Variants in MATR3 observed in about 807,000 individuals in gnomAD.
The protein encoded by MATR3 is matrin 3.
A neutral mutation model predicts 85.5 loss-of-function variants in MATR3; 4 were observed. The observed-to-expected ratio is 0.05, with a 90% CI of 0.02 to 0.11. The LOEUF is 0.11. Among genes scored for constraint, MATR3 ranks in the 10% least tolerant of loss-of-function variants. The pLI is 1.00. For synonymous variants in MATR3, 336 were observed against 343.1 expected, an observed-to-expected ratio of 0.98 and a Z score of 0.23; for missense variants, 685 against 1,016.1, an observed-to-expected ratio of 0.67 and a Z score of 4.43.
chr5:139,300,614 A>G (rs1754389377), intron 1 of MATR3, among the ~76,000 whole-genome samples: 1 of 152,194 alleles, frequency 6.6e-6, no homozygotes, highest in Admixed American at 6.5e-5. Context: ...GATGATTACT[A>G]CGGTGCTGTG....
intron 3 of MATR3, among the ~76,000 whole-genome samples, chr5:139,286,056 G>A (rs1477407009): frequency 6.6e-6 from 1 of 152,080 alleles, no homozygotes; most frequent in Non-Finnish European, 1.5e-5. Context: ...ATCTTGACCA[G>A]GACACATTAT....
upstream of MATR3, among the ~76,000 whole-genome samples, chr5:139,292,992 C>T: frequency 1.3e-5 from 2 of 152,062 alleles, 1 homozygote; most frequent in Non-Finnish European, 2.9e-5. Flanking sequence ...TGTAGGCTCA[C>T]GCCCTTAATC....
At chr5:139,302,629 A>G (rs370861044) in intron 1 of MATR3, among the ~76,000 whole-genome samples, 1 of 152,354 alleles carries the variant, frequency 6.6e-6, no homozygotes, top group Middle Eastern at 3.4e-3. Context: ...GCAGGAATCA[A>G]TATTTTTGTG....
upstream of MATR3, chr5:139,291,828 C>G (rs891812068): frequency 1.3e-5 from 2 of 152,136 alleles, no homozygotes; most frequent in Non-Finnish European, 2.9e-5. Context: ...CATGAGTCAC[C>G]GCGCCTGGCC....
At position 139,321,893 on chromosome 5, in the gene MATR3, T is replaced by C; in HGVS notation, c.1603-5T>C. 6.2e-7 allele frequency: 1 copy of C among 1,610,112 alleles called. No individual in the cohort carries two copies. Among genetic ancestry groups the C allele is most frequent in the Non-Finnish European group, 8.5e-7 (1 of 1,177,940 alleles). On this transcript the variant is annotated splice_region_variant and splice_polypyrimidine_tract_variant and intron_variant, in intron 9 of 14. Coordinates refer to ENST00000394805, the MANE Select transcript of MATR3 (RefSeq NM_018834.6). ...GCTTTGTGGTTTCTTTTCTTTCTTT[T>C]TAAGGCTTTTATTGAGATGGAGACA...
chr5:139,323,619 C>T (rs190821589), intron 12 of MATR3, among the ~76,000 whole-genome samples: 84 of 152,246 alleles, frequency 5.5e-4, no homozygotes, highest in Admixed American at 4.8e-3. Context: ...CATAAAATGT[C>T]GGAGTCAGGC....
intron 1 of MATR3, chr5:139,295,144 T>G (rs1305840364): frequency 6.6e-6 from 1 of 152,234 alleles, no homozygotes; most frequent in African/African-American, 2.4e-5. Flanking sequence ...TCAGGCTATT[T>G]TAATAAATGT....
chr5:139,290,503 T>C (rs1457270796), upstream of MATR3, among the ~76,000 whole-genome samples: 2 of 131,682 alleles, frequency 1.5e-5, no homozygotes, highest in Non-Finnish European at 3.1e-5. Context: ...TGGAGTGCAG[T>C]GCCACCCCCT....
In MATR3 at chr5:139,330,701, A is replaced by G. The variant is rs1756097772; in HGVS notation, c.*1306A>G. 4 of 454,004 alleles carry G rather than the reference A, an allele frequency of 8.8e-6. No homozygotes were observed. The highest frequency in any genetic ancestry group is 1.3e-5 in the Non-Finnish European group (3 of 226,786). 28.1% of individuals were successfully genotyped at this position (454,004 alleles called of 1,614,324 possible). On this transcript the variant is annotated 3_prime_UTR_variant, in exon 15 of 15. Transcript: ENST00000394805. ...TTAGAGATATTGATGACTTAACAGT[A>G]CAATTGGAAGTAATACGGATGAGCA...
At chr5:139,312,610 A>G (rs536758868) in intron 2 of MATR3, 4 of 152,186 alleles carry the variant, frequency 2.6e-5, no homozygotes, top group Non-Finnish European at 5.9e-5. Flanking sequence ...GGAAGGTACC[A>G]TTCTATTTGG....
Position 139,308,074 on chromosome 5 carries a change from A to C in MATR3, c.659A>C (p.Glu220Ala), listed in dbSNP as rs1333566052. The change falls in exon 2 of 15, where the codon GAA (glutamate) becomes GCA (alanine). Residue 220 changes from glutamate to alanine, a missense_variant. Around this residue, in one of 9 missense-constraint regions of MATR3, gnomAD observed 223 missense variants for 334.4 expected, o/e 0.67. Coordinates refer to ENST00000394805, the MANE Select transcript of MATR3 (RefSeq NM_018834.6). ...GGTTATTATGACAGAATGGATTATG[A>C]AGATGACAGATTAAGAGATGGAGAA... Reference protein sequence around the residue: ...ESGYYDRMDYEDDRLRDGERC... With the variant: ...ESGYYDRMDYADDRLRDGERC... The C allele has an allele frequency of 1.2e-6, 2 of 1,614,176 alleles. No individual in the cohort carries two copies. The highest frequency in any genetic ancestry group is 8.5e-7 in the Non-Finnish European group (1 of 1,180,026).
intron 1 of MATR3, among the ~76,000 whole-genome samples, chr5:139,299,396 G>A (rs1188925356): frequency 6.6e-6 from 1 of 152,222 alleles, no homozygotes; most frequent in Admixed American, 6.5e-5. Flanking sequence ...ATGTGAGGCA[G>A]GGCACAGTGG....
chr5:139,293,669 A>C, upstream of MATR3: 1 of 261,398 alleles, frequency 3.8e-6, no homozygotes, highest in Non-Finnish European at 7.2e-6. Context: ...CTCTCTCGCG[A>C]GAGTGGGTTT....
chr5:139,324,481 A>C (rs774333050), intron 12 of MATR3, among the ~76,000 whole-genome samples: 4 of 151,926 alleles, frequency 2.6e-5, no homozygotes, highest in African/African-American at 4.8e-5. Context: ...AGTAGAAACG[A>C]GGTTTCGCCA....
chr5:139,312,398 C>CT (rs1222002483), intron 2 of MATR3: 3 of 152,076 alleles, frequency 2.0e-5, no homozygotes. Context: ...GCACCCGGCC[C>CT]TTACAAGCCA....
At chr5:139,319,229 C>G in intron 8 of MATR3, 105 bp from the exon 9 acceptor site, 1 of 1,353,174 alleles carries the variant, frequency 7.4e-7, no homozygotes, top group Non-Finnish European at 1.1e-6. Flanking sequence ...CATAGCAAGA[C>G]CTCGTCTCTA....
chr5:139,291,606 T>G (rs1753871534), upstream of MATR3, among the ~76,000 whole-genome samples: 1 of 152,118 alleles, frequency 6.6e-6, no homozygotes, highest in African/African-American at 2.4e-5. Context: ...GGCGCGACCT[T>G]GGCTTCACCG....
chr5:139,303,415 A>G (rs1754555174), intron 1 of MATR3, among the ~76,000 whole-genome samples: 1 of 152,198 alleles, frequency 6.6e-6, no homozygotes, highest in African/African-American at 2.4e-5. Context: ...AAAATTATTT[A>G]AAGGAGTGAT....
upstream of MATR3, among the ~76,000 whole-genome samples, chr5:139,291,025 C>T (rs1312295250): frequency 2.0e-5 from 3 of 152,096 alleles, no homozygotes; most frequent in East Asian, 1.9e-4. Flanking sequence ...GAGGCTGAGG[C>T]GGAAGGATTG....
Sources: gnomAD v4.1 joint callset for allele counts (sites outside exome capture counted in the v4.1 genomes callset) on GRCh38, gnomAD v4.1.1 for gene constraint, gnomAD v4.1.1 regional missense constraint, MANE v1.5 for transcripts, NCBI Gene and HGNC (gene_info 2026-07-23, HGNC 2026-07-21) for gene names.